SLC6A11: variants seen among roughly 807,000 people sequenced by gnomAD.
SLC6A11 encodes the protein sodium- and chloride-dependent GABA transporter 3.
A neutral mutation model predicts 74.8 loss-of-function variants in SLC6A11; 25 were observed. The observed-to-expected ratio is 0.33, with a 90% confidence interval of 0.24 to 0.47. The LOEUF (loss-of-function observed/expected upper bound fraction) is 0.47, where lower values mean the gene tolerates loss of function less well. Among genes scored for constraint, SLC6A11 ranks in the 20% least tolerant of loss-of-function variants. The probability of loss-of-function intolerance (pLI) is 1.00; values close to 1 mark genes in which losing one functional copy is unlikely to be tolerated. For missense variants in SLC6A11, 574 were observed against 837.0 expected, an observed-to-expected ratio of 0.69 and a Z score of 3.88; for synonymous variants, 330 against 330.2, an observed-to-expected ratio of 1.00 and a Z score of 0.01.
chr3:10,822,204 A>G (rs2106570625), intron 3 of SLC6A11, among the ~76,000 whole-genome samples: 1 of 152,346 alleles, frequency 6.6e-6, no homozygotes, highest in Non-Finnish European at 1.5e-5. Flanking sequence ...TGTGAGATGG[A>G]AGACATGCAA....
intron 12 of SLC6A11, 114 bp from the exon 13 acceptor site, chr3:10,934,915 G>GCCAGT: frequency 1.1e-6 from 1 of 901,842 alleles, no homozygotes; most frequent in Admixed American, 2.2e-5. Context: ...GTGAAACAGG[G>GCCAGT]CCAGCTTCCT....
intron 6 of SLC6A11, among the ~76,000 whole-genome samples, chr3:10,895,905 G>A (rs559590004): frequency 3.9e-5 from 6 of 152,352 alleles, no homozygotes; most frequent in Non-Finnish European, 5.9e-5. Flanking sequence ...AGCAAGCGTC[G>A]TCTTTGCATG....
intron 4 of SLC6A11, among the ~76,000 whole-genome samples, chr3:10,833,519 A>C (rs1285689543): frequency 2.0e-5 from 3 of 152,196 alleles, no homozygotes; most frequent in Non-Finnish European, 4.4e-5. Context: ...GCTATACTGA[A>C]AGCCCTTCAG....
chr3:10,859,817 C>T (rs780250456), intron 5 of SLC6A11, among the ~76,000 whole-genome samples: 8 of 152,154 alleles, frequency 5.3e-5, no homozygotes, highest in Non-Finnish European at 8.8e-5. Flanking sequence ...CAATTAAGAA[C>T]ATTTACCAGA....
At chr3:10,822,371 G>A (rs1370219667) in intron 3 of SLC6A11, among the ~76,000 whole-genome samples, 1 of 152,244 alleles carries the variant, frequency 6.6e-6, no homozygotes, top group East Asian at 1.9e-4. Flanking sequence ...ATGGTAGTGG[G>A]CTTTTCTGGG....
At chr3:10,828,915 A>G (rs1273601814) in intron 4 of SLC6A11, among the ~76,000 whole-genome samples, 1 of 152,184 alleles carries the variant, frequency 6.6e-6, no homozygotes. Context: ...TTTGTTCATT[A>G]TTGTCTTGCC....
At position 10,823,423 on chromosome 3, in the gene SLC6A11, C is replaced by T. The variant is rs777609116; in HGVS notation, c.623+31C>T. On this transcript the variant is annotated intron_variant, in intron 4 of 13. Coordinates refer to ENST00000254488, the MANE Select transcript of SLC6A11 (RefSeq NM_014229.3). ...TGGAGAAGAACTTGTCTCCCTTGGC[C>T]TGTGGGGGCTCTGTCCTGGTTCTGC... The T allele has an allele frequency of 1.8e-5, 26 of 1,428,410 alleles. No homozygotes were observed. The South Asian group carries it at 2.7e-4, about 15-fold the overall frequency. 88.5% of individuals were successfully genotyped at this position (1,428,410 alleles called of 1,614,324 possible). A position where few individuals can be genotyped will look rare whatever the true frequency, so the allele number is the denominator to read the frequency against.
chr3:10,830,461 A>G (rs977776098), intron 4 of SLC6A11, among the ~76,000 whole-genome samples: 1 of 152,236 alleles, frequency 6.6e-6, no homozygotes, highest in African/African-American at 2.4e-5. Context: ...AGGTTCTGGA[A>G]TGCAACATGA....
At chr3:10,872,936 C>T (rs1694843856) in intron 5 of SLC6A11, among the ~76,000 whole-genome samples, 1 of 152,118 alleles carries the variant, frequency 6.6e-6, no homozygotes, top group Non-Finnish European at 1.5e-5. Flanking sequence ...GTCCCTGGAC[C>T]CCAAATGTTG....
chr3:10,856,724 G>A (rs942159739), intron 5 of SLC6A11, among the ~76,000 whole-genome samples: 4 of 152,168 alleles, frequency 2.6e-5, no homozygotes, highest in African/African-American at 4.8e-5. Context: ...CCGGGTACCC[G>A]TGGTGGGCTG....
intron 11 of SLC6A11, 55 bp downstream of exon 11, chr3:10,933,308 C>T (rs1476002693): frequency 7.8e-7 from 1 of 1,274,740 alleles, no homozygotes; most frequent in Non-Finnish European, 1.1e-6. Flanking sequence ...TACCCAGGAT[C>T]CTGGTGCTTG....
At chr3:10,835,690 C>T (rs778477678) in intron 4 of SLC6A11, among the ~76,000 whole-genome samples, 5 of 152,188 alleles carry the variant, frequency 3.3e-5, no homozygotes, top group Non-Finnish European at 5.9e-5. Context: ...GTTTTGTGAT[C>T]TCGGACAAGG....
intron 5 of SLC6A11, among the ~76,000 whole-genome samples, chr3:10,847,471 A>G (rs1559558923): frequency 6.6e-6 from 1 of 152,234 alleles, no homozygotes; most frequent in Admixed American, 6.5e-5. Context: ...GCCTAAGGCC[A>G]GCATTAGTGT....
chr3:10,839,303 C>A (rs551694332), intron 4 of SLC6A11, among the ~76,000 whole-genome samples: 6 of 152,318 alleles, frequency 3.9e-5, no homozygotes, highest in South Asian at 2.1e-4. Flanking sequence ...GAAGGAGCCA[C>A]GTGACTCATG....
At chr3:10,892,609 T>G (rs575005325) in intron 6 of SLC6A11, among the ~76,000 whole-genome samples, 1 of 151,732 alleles carries the variant, frequency 6.6e-6, no homozygotes, top group Non-Finnish European at 1.5e-5. Flanking sequence ...CCTTTTATTT[T>G]CCCCCTTATG....
At chr3:10,878,091 G>A (rs1306692187) in intron 6 of SLC6A11, among the ~76,000 whole-genome samples, 3 of 152,160 alleles carry the variant, frequency 2.0e-5, no homozygotes, top group Non-Finnish European at 4.4e-5. Flanking sequence ...CAGCAACAGA[G>A]GGATCTTTTT....
intron 6 of SLC6A11, among the ~76,000 whole-genome samples, chr3:10,875,340 C>T (rs74929724): frequency 0.011 from 1,649 of 152,266 alleles, 39 homozygotes; most frequent in African/African-American, 0.037. Context: ...CATTTTAAAA[C>T]GAGGACATTA....
intron 4 of SLC6A11, among the ~76,000 whole-genome samples, chr3:10,827,930 G>T (rs959257010): frequency 1.3e-5 from 2 of 152,142 alleles, no homozygotes; most frequent in African/African-American, 4.8e-5. Context: ...CCCTACATCA[G>T]TCCTGGATTC....
chr3:10,937,719 G>A (rs1695774815), intron 13 of SLC6A11, among the ~76,000 whole-genome samples: 1 of 152,184 alleles, frequency 6.6e-6, no homozygotes, highest in Admixed American at 6.5e-5. Context: ...TGTGAGCCTT[G>A]GGCTTTGTGA....
Sources: gnomAD v4.1 joint callset for allele counts (sites outside exome capture counted in the v4.1 genomes callset) on GRCh38, gnomAD v4.1.1 for gene constraint, MANE v1.5 for transcripts, NCBI Gene and HGNC (gene_info 2026-07-23, HGNC 2026-07-21) for gene names.